SIL1: variants seen among roughly 807,000 people sequenced by gnomAD.
SIL1 encodes the protein SIL1 nucleotide exchange factor.
In SIL1, 40 loss-of-function variants were observed where a neutral mutation model predicts 49.1. That is an observed-to-expected ratio of 0.81 (90% CI 0.63 to 1.06). SIL1 has a LOEUF of 1.06. SIL1 is among the 50% of genes least tolerant of loss of function. The pLI is 0.00. For missense variants in SIL1, 500 were observed against 572.6 expected (o/e 0.87, Z 1.29); for synonymous variants, 253 against 250.8 (o/e 1.01, Z -0.08).
rs112032601 is a variant in SIL1 at position 139,105,045 on chromosome 5, C to T, written c.244+15990G>A. On this transcript the variant is annotated intron_variant, in intron 3 of 9. Coordinates refer to ENST00000394817, the MANE Select transcript of SIL1 (RefSeq NM_022464.5). ...TGAGGGGAGCAGGGCAGGGATAGGG[C>T]GGCAGGACTCGCTCTCCGTACACAC... Among the ~76,000 whole-genome samples the T allele has an allele frequency of 1.0e-2, 1,518 of 152,212 alleles. 19 individuals carry two copies. The highest frequency in any genetic ancestry group is 0.034 in the African/African-American group (1,398 of 41,512).
At chr5:139,109,956 G>C (rs1770806726) in intron 3 of SIL1, among the ~76,000 whole-genome samples, 1 of 151,872 alleles carries the variant, frequency 6.6e-6, no homozygotes, top group African/African-American at 2.4e-5. Flanking sequence ...AGATCACGAG[G>C]TCAGGAGTTC....
chr5:139,133,757 C>A (rs900018602), intron 1 of SIL1, among the ~76,000 whole-genome samples: 1 of 152,230 alleles, frequency 6.6e-6, no homozygotes, highest in African/African-American at 2.4e-5. Flanking sequence ...TGTTATTAAC[C>A]TACACTGTAT....
chr5:138,947,164 G>A lies in SIL1; in HGVS notation c.1339C>T (p.Gln447Ter). The A allele has an allele frequency of 6.2e-7, 1 of 1,613,692 alleles. No homozygotes were observed. The highest frequency in any genetic ancestry group is 8.5e-7 in the Non-Finnish European group (1 of 1,179,900). The part of the protein sequence containing the change: ...LQDGEDEGYF[Q>*]ELLGSVNSLL... ...CTGTTGACAGAGCCCAGCAGCTCCTGGAAGTAGCCCTCGTCCTCACCATCC... is the reference window on the plus strand; with the variant it reads ...CTGTTGACAGAGCCCAGCAGCTCCTAGAAGTAGCCCTCGTCCTCACCATCC... The change falls in exon 10 of 10, where the codon CAG becomes TAG. Residue 447 changes from glutamine to a stop codon, truncating the protein, a stop_gained. Coordinates refer to ENST00000394817, the MANE Select transcript of SIL1 (RefSeq NM_022464.5). LOFTEE classifies it high-confidence loss of function. This position sits in a 1 kb window ranked among gnomAD's most constrained non-coding sequence, Gnocchi z 4.1.
At chr5:139,178,040 CTG>C (rs2151818382) in intron 1 of SIL1, among the ~76,000 whole-genome samples, 1 of 152,338 alleles carries the variant, frequency 6.6e-6, no homozygotes, top group East Asian at 1.9e-4. Flanking sequence ...ACAAAGGACT[CTG>C]TAGCTGTCAG....
At chr5:138,976,308 CTCT>C (rs1767391963) in intron 7 of SIL1, among the ~76,000 whole-genome samples, 1 of 148,998 alleles carries the variant, frequency 6.7e-6, no homozygotes, top group African/African-American at 2.5e-5. Context: ...TATATTACCT[CTCT>C]TTTTTTTTTT....
chr5:139,175,192 C>T (rs939690227), intron 1 of SIL1, among the ~76,000 whole-genome samples: 4 of 151,964 alleles, frequency 2.6e-5, no homozygotes, highest in African/African-American at 7.3e-5. Flanking sequence ...CATGGTGGCA[C>T]GCGCCTGTAG....
At chr5:139,021,365 G>A in intron 6 of SIL1, 73 bp from the exon 7 acceptor site, 2 of 1,582,090 alleles carry the variant, frequency 1.3e-6, no homozygotes, top group Non-Finnish European at 1.7e-6. Context: ...CCTTTCTTTT[G>A]GTGACTACCC....
At chr5:139,154,272 C>A (rs1202386231) in intron 1 of SIL1, among the ~76,000 whole-genome samples, 1 of 152,222 alleles carries the variant, frequency 6.6e-6, no homozygotes, top group African/African-American at 2.4e-5. Flanking sequence ...AAAGTTTTCT[C>A]CCTCTACTGC....
At chr5:139,131,669 C>A (rs987905485) in intron 1 of SIL1, 3 of 152,212 alleles carry the variant, frequency 2.0e-5, no homozygotes, top group Non-Finnish European at 4.4e-5. Flanking sequence ...CAACCTGGCT[C>A]CCTGGGGCAC....
At chr5:139,078,574 A>G (rs1172051917) in intron 3 of SIL1, among the ~76,000 whole-genome samples, 1 of 152,240 alleles carries the variant, frequency 6.6e-6, no homozygotes, top group Non-Finnish European at 1.5e-5. Flanking sequence ...TGCACAGGCC[A>G]GCTGCACTAC....
At chr5:139,084,839 C>A (rs1385233860) in intron 3 of SIL1, among the ~76,000 whole-genome samples, 1 of 152,130 alleles carries the variant, frequency 6.6e-6, no homozygotes, top group Non-Finnish European at 1.5e-5. Context: ...GGAATATATT[C>A]TCACACTGTA....
chr5:139,107,003 TC>T (rs1432492807), intron 3 of SIL1, among the ~76,000 whole-genome samples: 1 of 152,198 alleles, frequency 6.6e-6, no homozygotes, highest in Non-Finnish European at 1.5e-5. Flanking sequence ...TCATTTATAT[TC>T]CAAAGAACAG....
chr5:139,113,327 A>C (rs1561867293), intron 3 of SIL1, among the ~76,000 whole-genome samples: 1 of 150,682 alleles, frequency 6.6e-6, no homozygotes, highest in Admixed American at 6.6e-5. Context: ...AAATAAATAA[A>C]TTTAAAAAAA....
chr5:139,098,989 G>C (rs1561861370), intron 3 of SIL1, among the ~76,000 whole-genome samples: 1 of 151,508 alleles, frequency 6.6e-6, no homozygotes, highest in Admixed American at 6.6e-5. Flanking sequence ...GCTAATTTTT[G>C]TATTTTTTGT....
chr5:139,085,695 G>A (rs1770202712), intron 3 of SIL1, among the ~76,000 whole-genome samples: 1 of 152,178 alleles, frequency 6.6e-6, no homozygotes, highest in African/African-American at 2.4e-5. Flanking sequence ...GGCTGGTTTA[G>A]AAGACTGTGG....
intron 7 of SIL1, among the ~76,000 whole-genome samples, chr5:138,952,944 CCCTTGGGCAGGT>C (rs1303788410): frequency 3.3e-5 from 5 of 152,252 alleles, no homozygotes; most frequent in Admixed American, 2.0e-4. Context: ...GATAGTCAGG[CCCTTGGGCAGGT>C]CAGGGCTCCC....
intron 7 of SIL1, among the ~76,000 whole-genome samples, chr5:139,000,665 A>G (rs1444635045): frequency 6.6e-6 from 1 of 152,160 alleles, no homozygotes; most frequent in Non-Finnish European, 1.5e-5. Flanking sequence ...ATATCTCTAT[A>G]CCTCAAGGAA....
chr5:139,169,584 C>T (rs549044285), intron 1 of SIL1, among the ~76,000 whole-genome samples: 5 of 151,444 alleles, frequency 3.3e-5, no homozygotes, highest in Non-Finnish European at 5.9e-5. Context: ...TGGGTTTAAG[C>T]GATTCTCCTG....
In SIL1 at chr5:139,198,319, G is replaced by C. The variant is rs1581166135; in HGVS notation, c.-61C>G. 6.6e-6 allele frequency: 1 copy of C among 152,072 alleles called. No individual in the cohort carries two copies. 9.4% of individuals were successfully genotyped at this position (152,072 alleles called of 1,614,324 possible). ...AGACACAACTCCCACAATTCCAGGCGGCCGCGGCGGCGACCAGCTCCCCCT... is the reference window on the plus strand; with the variant it reads ...AGACACAACTCCCACAATTCCAGGCCGCCGCGGCGGCGACCAGCTCCCCCT... On this transcript the variant is annotated 5_prime_UTR_variant, in exon 1 of 10. Coordinates refer to ENST00000394817, the MANE Select transcript of SIL1 (RefSeq NM_022464.5).
Sources: gnomAD v4.1 joint callset for allele counts (sites outside exome capture counted in the v4.1 genomes callset) on GRCh38, gnomAD v4.1.1 for gene constraint, Gnocchi (gnomAD v3.1) non-coding constraint, MANE v1.5 for transcripts, NCBI Gene and HGNC (gene_info 2026-07-23, HGNC 2026-07-21) for gene names.